Variants in ZNF804B observed in about 807,000 individuals in gnomAD.
The protein encoded by ZNF804B is zinc finger 804B.
Under a neutral mutation model 101.4 loss-of-function variants are expected in ZNF804B, and 80 were observed. The ratio of observed to expected loss-of-function variants is 0.79; its 90% confidence interval spans 0.66 to 0.95. ZNF804B has a LOEUF of 0.95. Ranked by LOEUF, ZNF804B falls within the 40% of genes least tolerant of loss-of-function variation. The pLI, the probability that ZNF804B is intolerant of heterozygous loss-of-function variation, is 0.00. For synonymous variants in ZNF804B, 622 were observed against 558.8 expected, an observed-to-expected ratio of 1.11 and a Z score of -1.59; for missense variants, 1,673 against 1,561.9, an observed-to-expected ratio of 1.07 and a Z score of -1.20.
intron 1 of ZNF804B, among the ~76,000 whole-genome samples, chr7:89,212,608 A>G (rs34993605): frequency 1.5e-4 from 23 of 152,200 alleles, no homozygotes; most frequent in Middle Eastern, 6.8e-3. Context: ...GAAAAGTGCT[A>G]CTACAAAACA....
intron 1 of ZNF804B, among the ~76,000 whole-genome samples, chr7:88,989,482 C>G (rs1196079876): frequency 6.6e-6 from 1 of 152,110 alleles, no homozygotes; most frequent in Non-Finnish European, 1.5e-5. Context: ...AGCTAATCTC[C>G]TATTTCTCTC....
intron 1 of ZNF804B, among the ~76,000 whole-genome samples, chr7:89,203,013 A>G (rs372324554): frequency 3.9e-5 from 6 of 152,078 alleles, no homozygotes; most frequent in Non-Finnish European, 8.8e-5. Flanking sequence ...CACAGCACAC[A>G]CACACACATA....
At chr7:89,271,940 T>A (rs1789904380) in intron 2 of ZNF804B, among the ~76,000 whole-genome samples, 1 of 152,134 alleles carries the variant, frequency 6.6e-6, no homozygotes. Flanking sequence ...TTTGATTTAT[T>A]TTTCTACATG....
chr7:89,180,021 G>A (rs1480898390), intron 1 of ZNF804B, among the ~76,000 whole-genome samples: 1 of 152,060 alleles, frequency 6.6e-6, no homozygotes, highest in Admixed American at 6.5e-5. Flanking sequence ...CTTTCTCCAT[G>A]CTATCCTGCC....
At chr7:88,904,223 G>A (rs1020918222) in intron 1 of ZNF804B, among the ~76,000 whole-genome samples, 2 of 152,096 alleles carry the variant, frequency 1.3e-5, no homozygotes, top group Non-Finnish European at 2.9e-5. Flanking sequence ...TTTCCCCATT[G>A]CTAATTTTTG....
chr7:88,822,947 A>G (rs1345732161), intron 1 of ZNF804B, among the ~76,000 whole-genome samples: 2 of 152,168 alleles, frequency 1.3e-5, no homozygotes, highest in African/African-American at 4.8e-5. Flanking sequence ...ACAGTTGCTC[A>G]TGCCTGTAAT....
chr7:88,775,379 G>A (rs1057406171), intron 1 of ZNF804B, among the ~76,000 whole-genome samples: 1 of 152,122 alleles, frequency 6.6e-6, no homozygotes, highest in Non-Finnish European at 1.5e-5. Flanking sequence ...GAACAACCAT[G>A]CAGGACCCTG....
At chr7:88,802,750 G>A (rs886346839) in intron 1 of ZNF804B, among the ~76,000 whole-genome samples, 2 of 151,756 alleles carry the variant, frequency 1.3e-5, no homozygotes, top group African/African-American at 4.8e-5. Flanking sequence ...ATGCAACTGA[G>A]TGCTAAGGCA....
intron 1 of ZNF804B, among the ~76,000 whole-genome samples, chr7:88,831,745 T>G (rs2115784022): frequency 6.6e-6 from 1 of 151,884 alleles, no homozygotes; most frequent in East Asian, 1.9e-4. Context: ...ATTTATTAGA[T>G]ATTCTTATGA....
In ZNF804B at chr7:89,101,693, C is replaced by A. The variant is rs1190254238; in HGVS notation, c.109-116462C>A. Among the ~76,000 whole-genome samples the A allele has an allele frequency of 2.0e-5, 3 of 151,880 alleles. No homozygotes were observed. In the East Asian group the frequency reaches 5.8e-4, roughly 29 times the overall value. ...CACACTTAATTTATATATGATATTA[C>A]AAATTTATTTATGTATTCATTTATT... On this transcript the variant is annotated intron_variant, in intron 1 of 3. Coordinates refer to ENST00000333190, the MANE Select transcript of ZNF804B (RefSeq NM_181646.5).
rs149511384 is a variant in ZNF804B at position 89,081,224 on chromosome 7, A to G, written c.109-136931A>G. Among the ~76,000 whole-genome samples, 27 of 151,970 alleles carry G rather than the reference A, an allele frequency of 1.8e-4. No individual in the cohort carries two copies. In the East Asian group the frequency reaches 5.0e-3, roughly 28 times the overall value. On this transcript the variant is annotated intron_variant, in intron 1 of 3. Coordinates refer to ENST00000333190, the MANE Select transcript of ZNF804B (RefSeq NM_181646.5). ...AGAAATTTGAAACTTATTCAGTGCC[A>G]GGAATATAGAAAATAATAATTAGAA...
chr7:88,991,797 G>A (rs1030951827), intron 1 of ZNF804B, among the ~76,000 whole-genome samples: 1 of 152,148 alleles, frequency 6.6e-6, no homozygotes, highest in Non-Finnish European at 1.5e-5. Context: ...ACATGCCAGA[G>A]CCTTGTACCT....
chr7:88,883,300 G>GA (rs1792070251), intron 1 of ZNF804B, among the ~76,000 whole-genome samples: 1 of 152,102 alleles, frequency 6.6e-6, no homozygotes. Context: ...GACAAACAGT[G>GA]AAAAAGAATC....
At chr7:89,074,764 A>C (rs966017108) in intron 1 of ZNF804B, among the ~76,000 whole-genome samples, 1 of 152,196 alleles carries the variant, frequency 6.6e-6, no homozygotes, top group Non-Finnish European at 1.5e-5. Context: ...GCACAGAAGA[A>C]GACAGGAAAA....
chr7:88,847,620 CAT>C (rs1172648313), intron 1 of ZNF804B, among the ~76,000 whole-genome samples: 1 of 152,024 alleles, frequency 6.6e-6, no homozygotes, highest in Non-Finnish European at 1.5e-5. Flanking sequence ...GGTTGGGGCT[CAT>C]ATTATCTTCA....
chr7:89,136,328 T>TG (rs992531717), intron 1 of ZNF804B, among the ~76,000 whole-genome samples: 17 of 152,066 alleles, frequency 1.1e-4, no homozygotes, highest in Non-Finnish European at 1.6e-4. Flanking sequence ...TGTATTTTTT[T>TG]GGGGGGGTCT....
intron 2 of ZNF804B, among the ~76,000 whole-genome samples, chr7:89,273,956 A>T (rs1259263975): frequency 6.6e-6 from 1 of 152,004 alleles, no homozygotes; most frequent in Non-Finnish European, 1.5e-5. Context: ...GTCAGTAGCC[A>T]CATTCTGCTT....
At chr7:89,090,606 G>A (rs972785563) in intron 1 of ZNF804B, among the ~76,000 whole-genome samples, 1 of 151,878 alleles carries the variant, frequency 6.6e-6, no homozygotes, top group African/African-American at 2.4e-5. Context: ...GAAAAAATAG[G>A]AAATTCAGCA....
At chr7:88,928,197 C>T (rs1366640137) in intron 1 of ZNF804B, among the ~76,000 whole-genome samples, 2 of 152,110 alleles carry the variant, frequency 1.3e-5, no homozygotes, top group East Asian at 1.9e-4. Flanking sequence ...AAATAATCTA[C>T]TCCTGACTTT....
Sources: gnomAD v4.1 joint callset for allele counts (sites outside exome capture counted in the v4.1 genomes callset) on GRCh38, gnomAD v4.1.1 for gene constraint, MANE v1.5 for transcripts, NCBI Gene and HGNC (gene_info 2026-07-23, HGNC 2026-07-21) for gene names.